Variants in TTBK1 observed in about 807,000 individuals in gnomAD.
TTBK1 encodes tau-tubulin kinase 1.
Under a neutral mutation model 108.5 loss-of-function variants are expected in TTBK1, and 34 were observed. The ratio of observed to expected loss-of-function variants is 0.31; its 90% CI spans 0.24 to 0.42. The LOEUF (loss-of-function observed/expected upper bound fraction) is 0.42, where lower values mean the gene tolerates loss of function less well. Among genes scored for constraint, TTBK1 ranks in the 10% least tolerant of loss-of-function variants. TTBK1 has a pLI of 1.00. For synonymous variants in TTBK1, 809 were observed against 795.1 expected, an observed-to-expected ratio of 1.02 and a Z score of -0.29; for missense variants, 1,539 against 1,826.0, an observed-to-expected ratio of 0.84 and a Z score of 2.86.
chr6:43,256,020 G>C (rs1777372089), intron 9 of TTBK1, among the ~76,000 whole-genome samples, 164 bp downstream of exon 9: 1 of 152,132 alleles, frequency 6.6e-6, no homozygotes, highest in South Asian at 2.1e-4. Flanking sequence ...TTGTAAACTA[G>C]TCACAGCCAA....
In TTBK1 at chr6:43,265,457, C is replaced by T. The variant is rs928794543; in HGVS notation, c.1986+2107C>T. ...AACTGGGGGCTCAAAAAGTGGGGCC[C>T]GTGAGTCCTCACCCAGAGAGGCCCT... On this transcript the variant is annotated intron_variant, in intron 13 of 14. Coordinates refer to ENST00000259750, the MANE Select transcript of TTBK1 (RefSeq NM_032538.3). The surrounding 1 kb of genome is among the most constrained non-coding windows in gnomAD (Gnocchi z 4.1). Among the ~76,000 whole-genome samples, 5 of 152,216 alleles carry T rather than the reference C, an allele frequency of 3.3e-5. No homozygotes were observed. Among genetic ancestry groups the T allele is most frequent in the African/African-American group, 9.6e-5 (4 of 41,452 alleles).
At position 43,285,491 on chromosome 6, in the gene TTBK1, G is replaced by A; in HGVS notation, c.*115G>A. The stretch of plus-strand genomic sequence containing the variant: ...ACGCGCCCGACGCGCGCCACCCGCG[G>A]CCCCAGCTTTCCGCCTGCACCCGCG... On this transcript the variant is annotated 3_prime_UTR_variant, in exon 15 of 15. Coordinates refer to ENST00000259750, the MANE Select transcript of TTBK1 (RefSeq NM_032538.3). This position sits in a 1 kb window ranked among gnomAD's most constrained non-coding sequence, Gnocchi z 4.7. 8.2e-7 allele frequency: 1 copy of A among 1,213,266 alleles called. No homozygotes were observed. The highest frequency in any genetic ancestry group is 1.0e-6 in the Non-Finnish European group (1 of 974,252). The allele number at this position is 1,213,266 out of a possible 1,614,324, so 75.2% of individuals were successfully genotyped here. A position where few individuals can be genotyped will look rare whatever the true frequency, so the allele number is the denominator to read the frequency against.
Position 43,244,688 on chromosome 6 carries a change from T to G in TTBK1, c.-55+980T>G, listed in dbSNP as rs549473274. 1.1e-4 allele frequency among the ~76,000 whole-genome samples: 16 copies of G among 152,332 alleles called. 1 individual carries two copies. The East Asian group carries it at 2.9e-3, about 28-fold the overall frequency. ...TTGCCTCATCTGTTTCTTTTTGGTT[T>G]GCTCATCTATAAAATGAGAGCAGGA... On this transcript the variant is annotated intron_variant, in intron 1 of 14. Transcript: ENST00000259750.
chr6:43,281,765 T>C (rs562489223), intron 13 of TTBK1, among the ~76,000 whole-genome samples: 13 of 152,258 alleles, frequency 8.5e-5, no homozygotes, highest in Admixed American at 7.8e-4. Context: ...CTGGACATCG[T>C]CAGCACCGTC....
chr6:43,250,624 G>A (rs1187866088), intron 2 of TTBK1, among the ~76,000 whole-genome samples: 1 of 152,170 alleles, frequency 6.6e-6, no homozygotes, highest in Non-Finnish European at 1.5e-5. Context: ...CTCCCAAAGT[G>A]CTGAGATTAC....
At position 43,246,728 on chromosome 6, in the gene TTBK1, T is replaced by A; in HGVS notation, c.68T>A (p.Ile23Asn). 1 of 1,610,554 alleles carries A rather than the reference T, an allele frequency of 6.2e-7. No individual in the cohort carries two copies. Among genetic ancestry groups the A allele is most frequent in the Non-Finnish European group, 8.5e-7 (1 of 1,178,436 alleles). Residue 23 changes from isoleucine to asparagine, a missense_variant, in exon 2 of 15, where the codon ATC (isoleucine) becomes AAC (asparagine). By Grantham distance (149) the Ile-to-Asn change is moderately radical. Around this residue, in one of 5 missense-constraint regions of TTBK1, gnomAD observed 45 missense variants for 38.0 expected, o/e 1.19. Transcript: ENST00000259750. Reference protein sequence around the residue: ...NMSGGGEQADILPANYVVKDR... With the variant: ...NMSGGGEQADNLPANYVVKDR... ...AGTGGGGGAGGGGAGCAGGCCGACATCCTGCCGGCCAACTACGTGGTCAAG... is the reference window on the plus strand; with the variant it reads ...AGTGGGGGAGGGGAGCAGGCCGACAACCTGCCGGCCAACTACGTGGTCAAG...
In TTBK1 at chr6:43,270,636, G is replaced by T. The variant is rs543487268; in HGVS notation, c.1986+7286G>T. On this transcript the variant is annotated intron_variant, in intron 13 of 14. Coordinates refer to ENST00000259750, the MANE Select transcript of TTBK1 (RefSeq NM_032538.3). ...CCCAGGAAGGCTCAGTCCATGGTAG[G>T]CTGCCCCTCCCCCAAGACACCTGTG... The T allele has an allele frequency of 8.1e-6, 8 of 985,382 alleles. No homozygotes were observed. The South Asian group carries it at 2.4e-4, about 29-fold the overall frequency. The allele number at this position is 985,382 out of a possible 1,614,324, so 61.0% of individuals were successfully genotyped here.
At chr6:43,255,193 T>TG in intron 7 of TTBK1, 79 bp downstream of exon 7, 19 of 266,442 alleles carry the variant, frequency 7.1e-5, no homozygotes, top group Middle Eastern at 5.8e-4. Context: ...TGGGGAGGGG[T>TG]GGGGAGAGGA....
chr6:43,257,652 A>G lies in TTBK1; in HGVS notation c.862-160A>G, dbSNP rs1777415952. Among the ~76,000 whole-genome samples, 1 of 152,082 alleles carries G rather than the reference A, an allele frequency of 6.6e-6. No homozygotes were observed. The highest frequency in any genetic ancestry group is 1.5e-5 in the Non-Finnish European group (1 of 68,000). On this transcript the variant is annotated intron_variant, in intron 9 of 14. Coordinates refer to ENST00000259750, the MANE Select transcript of TTBK1 (RefSeq NM_032538.3). The surrounding 1 kb of genome is among the most constrained non-coding windows in gnomAD (Gnocchi z 4.5). ...ATTTGCATATCATGTGCATGTTTTC[A>G]TTTAAAATCAATGTGCCGTTCTCCT...
At chr6:43,252,304 G>A (rs781124028) in intron 2 of TTBK1, among the ~76,000 whole-genome samples, 1 of 151,830 alleles carries the variant, frequency 6.6e-6, no homozygotes, top group South Asian at 2.1e-4. Flanking sequence ...GGGCAAAGAA[G>A]AGAGACATGA....
Position 43,259,443 on chromosome 6 carries a change from A to T in TTBK1, c.1249-88A>T. On this transcript the variant is annotated intron_variant, in intron 11 of 14. Transcript: ENST00000259750. The surrounding 1 kb of genome is among the most constrained non-coding windows in gnomAD (Gnocchi z 6.7). ...TAGCCTCGCTGTGTCTTCCATCATC[A>T]TCATCCTCTGTCTCCTTCACCCTGA... The T allele has an allele frequency of 5.6e-6, 8 of 1,425,840 alleles. No individual in the cohort carries two copies. Among genetic ancestry groups the T allele is most frequent in the Non-Finnish European group, 7.5e-6 (8 of 1,065,298 alleles). 88.3% of individuals were successfully genotyped at this position (1,425,840 alleles called of 1,614,324 possible).
rs1312766577 is a variant in TTBK1 at position 43,275,057 on chromosome 6, GCACTCA to G, written c.1987-7660_1987-7655del. On this transcript the variant is annotated intron_variant, in intron 13 of 14. Transcript: ENST00000259750. ...TGGCCACTCACTAACCGGCCCTCAC[GCACTCA>G]CACTCACACCCACACTCACACACTC... Among the ~76,000 whole-genome samples, 9 of 152,228 alleles carry G rather than the reference GCACTCA, an allele frequency of 5.9e-5. No homozygotes were observed. In the Middle Eastern group the frequency reaches 0.017, roughly 288 times the overall value.
At chr6:43,258,021 G>GACC in intron 10 of TTBK1, 55 bp downstream of exon 10, 1 of 1,575,866 alleles carries the variant, frequency 6.3e-7, no homozygotes, top group Non-Finnish European at 8.6e-7. Context: ...TACCTAAGAG[G>GACC]GCAGGCGGTC....
At chr6:43,271,372 A>G in intron 13 of TTBK1, 1 of 985,414 alleles carries the variant, frequency 1.0e-6, no homozygotes, top group Non-Finnish European at 1.2e-6. Flanking sequence ...AGGAAGTGCC[A>G]TTTACATAGA....
At position 43,243,600 on chromosome 6, in the gene TTBK1, C is replaced by A; in HGVS notation, c.-163C>A. 1 of 152,120 alleles carries A rather than the reference C, an allele frequency of 6.6e-6. No individual in the cohort carries two copies. The highest frequency in any genetic ancestry group is 1.8e-4 in the South Asian group (1 of 5,614). 9.4% of individuals were successfully genotyped at this position (152,120 alleles called of 1,614,324 possible). A position where few individuals can be genotyped will look rare whatever the true frequency, so the allele number is the denominator to read the frequency against. On this transcript the variant is annotated 5_prime_UTR_variant, in exon 1 of 15. Coordinates refer to ENST00000259750, the MANE Select transcript of TTBK1 (RefSeq NM_032538.3). The surrounding 1 kb of genome is among the most constrained non-coding windows in gnomAD (Gnocchi z 5.5). The stretch of plus-strand genomic sequence containing the variant: ...CCGCCGCCGGAGGGAGCGGGTCACC[C>A]AACGCCGCACTGAGCCGCCCCCGCC...
chr6:43,252,911 G>C, intron 3 of TTBK1, 25 bp downstream of exon 3: 1 of 1,611,526 alleles, frequency 6.2e-7, no homozygotes, highest in Non-Finnish European at 8.5e-7. Flanking sequence ...CAGGGGGATG[G>C]GAAGGAAGAG....
intron 14 of TTBK1, 118 bp from the exon 15 acceptor site, chr6:43,284,865 A>G (rs1778316344): frequency 7.3e-7 from 1 of 1,372,074 alleles, no homozygotes; most frequent in Non-Finnish European, 9.4e-7. Context: ...CCATGGTCTC[A>G]GTCTCAGCTC....
At position 43,269,965 on chromosome 6, in the gene TTBK1, C is replaced by T. The variant is rs373348041; in HGVS notation, c.1986+6615C>T. On this transcript the variant is annotated intron_variant, in intron 13 of 14. Transcript: ENST00000259750. This position sits in a 1 kb window ranked among gnomAD's most constrained non-coding sequence, Gnocchi z 4.8. ...CACAAGACCTAGGCTGGGCCCCCCC[C>T]CTCCTGGAGGGGGCAGGTGGGGGGG... The T allele has an allele frequency of 5.6e-5, 80 of 1,433,720 alleles. No homozygotes were observed. The highest frequency in any genetic ancestry group is 2.2e-4 in the Middle Eastern group (1 of 4,582). 88.8% of individuals were successfully genotyped at this position (1,433,720 alleles called of 1,614,324 possible).
chr6:43,280,266 G>C (rs1455052993), intron 13 of TTBK1, among the ~76,000 whole-genome samples: 1 of 152,144 alleles, frequency 6.6e-6, no homozygotes, highest in Non-Finnish European at 1.5e-5. Flanking sequence ...TTTGCATGGA[G>C]GCTTCGGCTG....
Sources: allele counts gnomAD v4.1 joint callset (sites outside exome capture counted in the v4.1 genomes callset), GRCh38; gene constraint gnomAD v4.1.1; regional missense constraint gnomAD v4.1.1; non-coding constraint Gnocchi (gnomAD v3.1); transcripts MANE v1.5; gene names NCBI Gene and HGNC (gene_info 2026-07-23, HGNC 2026-07-21).